UNC13C: variants seen among roughly 807,000 people sequenced by gnomAD.
UNC13C encodes unc-13 homolog C.
Under a neutral mutation model 245.4 loss-of-function variants are expected in UNC13C, and 174 were observed. The ratio of observed to expected loss-of-function variants is 0.71; its 90% confidence interval spans 0.63 to 0.80. The LOEUF (loss-of-function observed/expected upper bound fraction) is 0.80. Ranked by LOEUF, UNC13C falls within the 30% of genes least tolerant of loss-of-function variation. UNC13C has a pLI of 0.00. For synonymous variants in UNC13C, 992 were observed against 895.1 expected (o/e 1.11, Z -1.93); for missense variants, 2,829 against 2,602.9 (o/e 1.09, Z -1.89).
intron 4 of UNC13C, among the ~76,000 whole-genome samples, chr15:54,154,994 A>G (rs2032681301): frequency 6.6e-6 from 1 of 152,186 alleles, no homozygotes; most frequent in Non-Finnish European, 1.5e-5. Context: ...AATATTGCAA[A>G]AGAAATTTAA....
chr15:53,868,987 G>A, the UNC13C span, among the ~76,000 whole-genome samples: 2 of 152,118 alleles, frequency 1.3e-5, no homozygotes, highest in Middle Eastern at 6.3e-3. Context: ...GTGCATGCCT[G>A]TAGTCTGGGC....
chr15:53,875,507 G>A, the UNC13C span, among the ~76,000 whole-genome samples: 20,706 of 152,008 alleles, frequency 0.14, 1,572 homozygotes, highest in East Asian at 0.34. Context: ...TGATTTGAAG[G>A]CTCATATTAG....
intron 27 of UNC13C, 144 bp downstream of exon 27, chr15:54,546,989 A>C: frequency 1.3e-6 from 1 of 775,790 alleles, no homozygotes; most frequent in East Asian, 3.2e-5. Flanking sequence ...GATCATTCAA[A>C]TGATAGTTTC....
At chr15:53,851,454 G>A in the UNC13C span, among the ~76,000 whole-genome samples, 1 of 152,078 alleles carries the variant, frequency 6.6e-6, no homozygotes, top group African/African-American at 2.4e-5. Flanking sequence ...TTTGTTCACT[G>A]GGATGTTCAA....
chr15:54,330,959 A>G (rs1385924348), intron 14 of UNC13C, among the ~76,000 whole-genome samples: 1 of 152,042 alleles, frequency 6.6e-6, no homozygotes, highest in African/African-American at 2.4e-5. Context: ...ACTGATGTAT[A>G]AATCTGATGA....
chr15:54,062,310 T>C (rs1414833478), intron 2 of UNC13C, among the ~76,000 whole-genome samples: 1 of 137,800 alleles, frequency 7.3e-6, no homozygotes, highest in Admixed American at 7.6e-5. Context: ...ATAACAAGAG[T>C]GAAACTCAGT....
intron 2 of UNC13C, among the ~76,000 whole-genome samples, chr15:54,137,869 G>T (rs924420142): frequency 6.6e-6 from 1 of 151,632 alleles, no homozygotes; most frequent in Admixed American, 6.6e-5. Context: ...CTGACATTGG[G>T]CTTAGTTTGT....
At chr15:54,599,579 C>A (rs1303378186) in intron 30 of UNC13C, among the ~76,000 whole-genome samples, 1 of 152,094 alleles carries the variant, frequency 6.6e-6, no homozygotes, top group Non-Finnish European at 1.5e-5. Context: ...CATTATGGAT[C>A]TAGGGCACTG....
chr15:54,332,688 A>G (rs1236357471), intron 15 of UNC13C, among the ~76,000 whole-genome samples: 2 of 152,032 alleles, frequency 1.3e-5, no homozygotes, highest in Non-Finnish European at 2.9e-5. Context: ...ATATAATTTT[A>G]GTTACAAAAT....
the UNC13C span, among the ~76,000 whole-genome samples, chr15:53,844,817 C>G: frequency 0.018 from 2,773 of 152,166 alleles, 95 homozygotes; most frequent in African/African-American, 0.064. Context: ...GTTAAGGGGA[C>G]TAGTGACATC....
intron 17 of UNC13C, among the ~76,000 whole-genome samples, chr15:54,381,468 C>T (rs1292133133): frequency 1.3e-5 from 2 of 151,878 alleles, no homozygotes; most frequent in Non-Finnish European, 2.9e-5. Flanking sequence ...ATTTTAGGAT[C>T]GTTTTCTCAA....
At chr15:54,470,832 CT>C (rs1401960857) in intron 19 of UNC13C, among the ~76,000 whole-genome samples, 1 of 150,654 alleles carries the variant, frequency 6.6e-6, no homozygotes, top group Non-Finnish European at 1.5e-5. Flanking sequence ...TGAGATGTAA[CT>C]TTTTTTTACT....
intron 2 of UNC13C, among the ~76,000 whole-genome samples, chr15:54,075,598 T>C (rs968393604): frequency 6.7e-6 from 1 of 149,596 alleles, no homozygotes; most frequent in African/African-American, 2.5e-5. Context: ...AAAACTGCAA[T>C]TGCTTTTGCA....
chr15:54,017,502 G>A lies in UNC13C; in HGVS notation c.2983+1616G>A, dbSNP rs1323369941. Reference sequence around the variant, plus strand: ...CATGAGCATGTGTGTGTGTGTGTGTGTGTGTGTGTGTGGTTTGTATATATC... The same window carrying A: ...CATGAGCATGTGTGTGTGTGTGTGTATGTGTGTGTGTGGTTTGTATATATC... On this transcript the variant is annotated intron_variant, in intron 2 of 32. Coordinates refer to ENST00000260323, the MANE Select transcript of UNC13C (RefSeq NM_001080534.3). Among the ~76,000 whole-genome samples the A allele has an allele frequency of 3.3e-5, 5 of 152,178 alleles. No homozygotes were observed. The East Asian group carries it at 7.7e-4, about 24-fold the overall frequency.
At position 54,473,269 on chromosome 15, in the gene UNC13C, A is replaced by G. The variant is rs116271197; in HGVS notation, c.4934-21339A>G. Among the ~76,000 whole-genome samples, 1,031 of 151,964 alleles carry G rather than the reference A, an allele frequency of 6.8e-3. 7 individuals are homozygous for G. Among genetic ancestry groups the G allele is most frequent in the African/African-American group, 0.023 (960 of 41,478 alleles). On this transcript the variant is annotated intron_variant, in intron 19 of 32. Transcript: ENST00000260323. ...TATACATATGTATGGGACATATGAT[A>G]TTTTGATACATTCATACAAAGAGTA...
intron 17 of UNC13C, among the ~76,000 whole-genome samples, chr15:54,340,093 G>C (rs2038692715): frequency 6.6e-6 from 1 of 151,990 alleles, no homozygotes; most frequent in African/African-American, 2.4e-5. Context: ...ATCTTCTTTT[G>C]AGAACTGTCT....
chr15:54,278,500 A>G (rs1396616502), intron 10 of UNC13C, among the ~76,000 whole-genome samples: 1 of 152,132 alleles, frequency 6.6e-6, no homozygotes, highest in African/African-American at 2.4e-5. Flanking sequence ...GCTGTTCTCA[A>G]ATGAATCAAA....
At chr15:54,434,897 A>G (rs576222823) in intron 19 of UNC13C, among the ~76,000 whole-genome samples, 2 of 152,042 alleles carry the variant, frequency 1.3e-5, no homozygotes, top group Non-Finnish European at 2.9e-5. Context: ...AGAAAAAACA[A>G]CCCCATCAAA....
chr15:54,379,966 A>G (rs2039687807), intron 17 of UNC13C, among the ~76,000 whole-genome samples: 1 of 152,168 alleles, frequency 6.6e-6, no homozygotes, highest in Non-Finnish European at 1.5e-5. Flanking sequence ...ACATTGCCTC[A>G]CATAGTTATT....
Sources: gnomAD v4.1 joint callset for allele counts (sites outside exome capture counted in the v4.1 genomes callset) on GRCh38, gnomAD v4.1.1 for gene constraint, MANE v1.5 for transcripts, NCBI Gene and HGNC (gene_info 2026-07-23, HGNC 2026-07-21) for gene names.